Variants in DUSP22 observed in about 807,000 individuals in gnomAD.
DUSP22 encodes the protein dual specificity phosphatase 22, also known as dual specificity protein phosphatase 22.
In DUSP22, 24 loss-of-function variants were observed where a neutral mutation model predicts 24.5. The observed-to-expected ratio is 0.98, with a 90% CI of 0.71 to 1.38. DUSP22 has a LOEUF of 1.38. Among genes scored for constraint, DUSP22 ranks in the 40% most tolerant of loss-of-function variants. The pLI is 0.00. For missense variants in DUSP22, 330 were observed against 269.2 expected, an observed-to-expected ratio of 1.23 and a Z score of -1.58; for synonymous variants, 160 against 106.4, an observed-to-expected ratio of 1.50 and a Z score of -3.10.
At chr6:322,073 A>G (rs1477650140) in intron 3 of DUSP22, among the ~76,000 whole-genome samples, 1 of 152,272 alleles carries the variant, frequency 6.6e-6, no homozygotes, top group Non-Finnish European at 1.5e-5. Context: ...TAGTGTATGC[A>G]TATCATCTAC....
intron 1 of DUSP22, among the ~76,000 whole-genome samples, chr6:298,502 T>G (rs1454728254): frequency 1.3e-5 from 2 of 152,300 alleles, no homozygotes; most frequent in Non-Finnish European, 2.9e-5. Context: ...AATAAATGTT[T>G]AAAAAGTAAA....
chr6:347,484 C>T (rs1759937943), intron 5 of DUSP22, among the ~76,000 whole-genome samples: 1 of 152,306 alleles, frequency 6.6e-6, no homozygotes, highest in Non-Finnish European at 1.5e-5. Flanking sequence ...ACGGGTCTCA[C>T]TCAGCCTGCT....
At chr6:295,058 A>G (rs1015898880) in intron 1 of DUSP22, among the ~76,000 whole-genome samples, 2 of 152,184 alleles carry the variant, frequency 1.3e-5, no homozygotes, top group Non-Finnish European at 2.9e-5. Flanking sequence ...TTACTGTGTG[A>G]CTTGGAACGA....
Position 350,805 on chromosome 6 carries a change from A to G in DUSP22, c.*1854A>G, listed in dbSNP as rs763032629. On this transcript the variant is annotated 3_prime_UTR_variant, in exon 7 of 7. Coordinates refer to ENST00000419235, the MANE Select transcript of DUSP22 (RefSeq NM_001286555.3). Reference sequence around the variant, plus strand: ...GTTGTTTTAATATTTGTTGCCAGTAATGTTCTTTCTTCACAGCCGCTCCGG... The same window carrying G: ...GTTGTTTTAATATTTGTTGCCAGTAGTGTTCTTTCTTCACAGCCGCTCCGG... 3.0e-5 allele frequency: 48 copies of G among 1,614,030 alleles called. No individual in the cohort carries two copies. Among genetic ancestry groups the G allele is most frequent in the East Asian group, 6.7e-5 (3 of 44,896 alleles).
At chr6:295,516 T>G (rs1165848046) in intron 1 of DUSP22, among the ~76,000 whole-genome samples, 1 of 152,288 alleles carries the variant, frequency 6.6e-6, no homozygotes, top group Non-Finnish European at 1.5e-5. Context: ...GGCTCGTGCC[T>G]GTAATCACAG....
chr6:322,906 C>G (rs1416909340), intron 3 of DUSP22, among the ~76,000 whole-genome samples: 3 of 152,156 alleles, frequency 2.0e-5, no homozygotes, highest in African/African-American at 7.2e-5. Context: ...GGTTAAGACC[C>G]AAAGCCGGGT....
At chr6:292,945 C>A (rs1431155268) in intron 1 of DUSP22, among the ~76,000 whole-genome samples, 2 of 152,292 alleles carry the variant, frequency 1.3e-5, no homozygotes, top group African/African-American at 4.8e-5. Flanking sequence ...ACCACCGCCC[C>A]CCCCACATCA....
intron 2 of DUSP22, 121 bp downstream of exon 2, chr6:304,782 A>G: frequency 7.2e-7 from 1 of 1,384,422 alleles, no homozygotes; most frequent in South Asian, 1.2e-5. Context: ...TGCAGCCATC[A>G]CCAACATCCT....
At chr6:302,110 A>C (rs1236558889) in intron 1 of DUSP22, among the ~76,000 whole-genome samples, 2 of 152,302 alleles carry the variant, frequency 1.3e-5, no homozygotes, top group African/African-American at 4.8e-5. Context: ...AGAGAAATGC[A>C]GAAGCCCTCC....
intron 3 of DUSP22, chr6:325,761 T>A (rs1758836002): frequency 3.9e-6 from 1 of 253,850 alleles, no homozygotes; most frequent in Non-Finnish European, 7.5e-6. Context: ...GAGAGTCATC[T>A]GCCCTGGGCT....
chr6:317,277 G>A (rs11961692), intron 3 of DUSP22, among the ~76,000 whole-genome samples: 4 of 152,404 alleles, frequency 2.6e-5, no homozygotes, highest in South Asian at 4.1e-4. Context: ...GCCTGAGGCC[G>A]AGGTCTCCTG....
At chr6:326,501 G>A (rs1253800375) in intron 3 of DUSP22, among the ~76,000 whole-genome samples, 1 of 104,566 alleles carries the variant, frequency 9.6e-6, no homozygotes, top group African/African-American at 3.6e-5. Flanking sequence ...GGTGCCTGGA[G>A]AGTCATCTGC....
At chr6:329,765 C>T (rs1759058642) in intron 3 of DUSP22, among the ~76,000 whole-genome samples, 1 of 152,306 alleles carries the variant, frequency 6.6e-6, no homozygotes, top group Admixed American at 6.5e-5. Context: ...GATGATAAAT[C>T]TTATGTGTAT....
chr6:308,793 C>T (rs1266972182), intron 2 of DUSP22, among the ~76,000 whole-genome samples: 5 of 152,308 alleles, frequency 3.3e-5, no homozygotes, highest in Non-Finnish European at 7.3e-5. Flanking sequence ...TGAATTATAT[C>T]CCAATAAAGC....
At chr6:335,250 T>C in intron 4 of DUSP22, 87 bp downstream of exon 4, 6 of 1,544,532 alleles carry the variant, frequency 3.9e-6, no homozygotes, top group Non-Finnish European at 5.4e-6. Context: ...GACTGTGAAG[T>C]TGTCAGAGCT....
In DUSP22 at chr6:317,579, T is replaced by C. The variant is rs1246648700; in HGVS notation, c.138+5617T>C. Among the ~76,000 whole-genome samples the C allele has an allele frequency of 3.3e-5, 5 of 152,416 alleles. No individual in the cohort carries two copies. In the East Asian group the frequency reaches 9.6e-4, roughly 29 times the overall value. On this transcript the variant is annotated intron_variant, in intron 3 of 6. Transcript: ENST00000419235. ...GGCCCCTTTTCTGTAATGTCTTCAG[T>C]TTGTACTCTCAGTTGGGCCATGAGA...
chr6:311,859 A>G, intron 2 of DUSP22, 21 bp from the exon 3 acceptor site: 2 of 1,607,920 alleles, frequency 1.2e-6, no homozygotes, highest in African/African-American at 1.3e-5. Flanking sequence ...CAAAATGTCC[A>G]TCCCCTTTCT....
At chr6:306,930 G>A (rs1161953227) in intron 2 of DUSP22, among the ~76,000 whole-genome samples, 6 of 152,306 alleles carry the variant, frequency 3.9e-5, no homozygotes, top group Admixed American at 2.6e-4. Flanking sequence ...CCCAGACAAT[G>A]GGTGATGCCC....
At chr6:323,069 C>A (rs1032288790) in intron 3 of DUSP22, among the ~76,000 whole-genome samples, 2 of 152,306 alleles carry the variant, frequency 1.3e-5, no homozygotes, top group African/African-American at 2.4e-5. Flanking sequence ...TTTGCCCACA[C>A]CTGCAAGGGA....
Sources: allele counts gnomAD v4.1 joint callset (sites outside exome capture counted in the v4.1 genomes callset), GRCh38; gene constraint gnomAD v4.1.1; transcripts MANE v1.5; gene names NCBI Gene and HGNC (gene_info 2026-07-23, HGNC 2026-07-21).